SPRING1: variants seen among roughly 807,000 people sequenced by gnomAD.
SPRING1 encodes the protein SREBF pathway regulator in golgi 1.
SPRING1 carries 14 observed loss-of-function variants against 24.7 expected under a neutral mutation model. The ratio of observed to expected loss-of-function variants is 0.57; its 90% CI spans 0.37 to 0.88. SPRING1 has a LOEUF of 0.88. Ranked by LOEUF, SPRING1 falls within the 40% of genes least tolerant of loss-of-function variation. The probability of loss-of-function intolerance (pLI) is 0.00; values close to 1 mark genes in which losing one functional copy is unlikely to be tolerated. For missense variants in SPRING1, 255 were observed against 268.4 expected, an observed-to-expected ratio of 0.95 and a Z score of 0.35; for synonymous variants, 93 against 106.1, an observed-to-expected ratio of 0.88 and a Z score of 0.76.
At position 116,720,489 on chromosome 12, in the gene SPRING1, T is replaced by C. The variant is rs1052832990; in HGVS notation, c.269-42A>G. 5.0e-6 allele frequency: 8 copies of C among 1,606,426 alleles called. No individual in the cohort carries two copies. The highest frequency in any genetic ancestry group is 3.4e-5 in the Admixed American group (2 of 59,390). On this transcript the variant is annotated intron_variant, in intron 2 of 4. Coordinates refer to ENST00000261318, the MANE Select transcript of SPRING1 (RefSeq NM_024738.4). This position sits in a 1 kb window ranked among gnomAD's most constrained non-coding sequence, Gnocchi z 4.0. ...AACCTTAGCATAAAACCAGCAGCCT[T>C]GCCACCTCCCTACCAGGGATGACCA...
Position 116,728,200 on chromosome 12 carries a change from G to T in SPRING1, c.112-4977C>A, listed in dbSNP as rs1018413151. Among the ~76,000 whole-genome samples the T allele has an allele frequency of 2.0e-5, 3 of 152,096 alleles. No individual in the cohort carries two copies. Among genetic ancestry groups the T allele is most frequent in the African/African-American group, 4.8e-5 (2 of 41,408 alleles). On this transcript the variant is annotated intron_variant, in intron 1 of 4. Coordinates refer to ENST00000261318, the MANE Select transcript of SPRING1 (RefSeq NM_024738.4). The surrounding 1 kb of genome is among the most constrained non-coding windows in gnomAD (Gnocchi z 4.2). ...TCAAATGCCTCGCATAGTTAGGCCC[G>T]CCCTGCCACTAGATCATGTCATCCT... is the stretch of plus-strand genomic sequence containing the variant.
intron 1 of SPRING1, among the ~76,000 whole-genome samples, chr12:116,737,576 G>T (rs1232257134): frequency 6.8e-6 from 1 of 147,476 alleles, no homozygotes. Context: ...CAGGGAGAGG[G>T]GAAGGAAGGA....
rs1870086185 is a variant in SPRING1 at position 116,715,546 on chromosome 12, A to G, written c.*2264T>C. On this transcript the variant is annotated 3_prime_UTR_variant, in exon 5 of 5. Coordinates refer to ENST00000261318, the MANE Select transcript of SPRING1 (RefSeq NM_024738.4). Reference sequence around the variant, plus strand: ...TTGAAATACAAAAAACATATTCCACAGCCAAATGAAAATGACTTTTGGATC... The same window carrying G: ...TTGAAATACAAAAAACATATTCCACGGCCAAATGAAAATGACTTTTGGATC... 6.6e-6 allele frequency: 1 copy of G among 152,270 alleles called. No individual in the cohort carries two copies. Among genetic ancestry groups the G allele is most frequent in the African/African-American group, 2.4e-5 (1 of 41,468 alleles). The allele number at this position is 152,270 out of a possible 1,614,324, so 9.4% of individuals were successfully genotyped here. A position where few individuals can be genotyped will look rare whatever the true frequency, so the allele number is the denominator to read the frequency against.
In SPRING1 at chr12:116,736,017, G is replaced by T. The variant is rs1027672049; in HGVS notation, c.111+1773C>A. ...GGTCGTCCCACTGCACTCCAGCCTGGGCAAGAGCAAAACTCAGTCTTTAAA... is the reference window on the plus strand; with the variant it reads ...GGTCGTCCCACTGCACTCCAGCCTGTGCAAGAGCAAAACTCAGTCTTTAAA... On this transcript the variant is annotated intron_variant, in intron 1 of 4. Coordinates refer to ENST00000261318, the MANE Select transcript of SPRING1 (RefSeq NM_024738.4). 6.3e-5 allele frequency among the ~76,000 whole-genome samples: 2 copies of T among 31,804 alleles called. 1 individual carries two copies. The highest frequency in any genetic ancestry group is 6.0e-4 in the Admixed American group (2 of 3,352). The allele number at this position is 31,804 out of a possible 152,430, so 20.9% of individuals were successfully genotyped here. A position where few individuals can be genotyped will look rare whatever the true frequency, so the allele number is the denominator to read the frequency against.
At position 116,720,251 on chromosome 12, in the gene SPRING1, C is replaced by G. The variant is rs1413334222; in HGVS notation, c.420+45G>C. 1 of 1,555,514 alleles carries G rather than the reference C, an allele frequency of 6.4e-7. No homozygotes were observed. The highest frequency in any genetic ancestry group is 8.6e-7 in the Non-Finnish European group (1 of 1,156,522). ...CCTAATGCTCATCATAAAACAGAGG[C>G]CGAAAGAAAAAAGGAGCCGCAGAAC... On this transcript the variant is annotated intron_variant, in intron 3 of 4. Coordinates refer to ENST00000261318, the MANE Select transcript of SPRING1 (RefSeq NM_024738.4). This position sits in a 1 kb window ranked among gnomAD's most constrained non-coding sequence, Gnocchi z 4.0.
intron 1 of SPRING1, among the ~76,000 whole-genome samples, chr12:116,730,665 G>T (rs1347438863): frequency 1.3e-5 from 2 of 152,194 alleles, no homozygotes; most frequent in African/African-American, 4.8e-5. Flanking sequence ...AGATCCATGA[G>T]TCTGTGTTGC....
intron 4 of SPRING1, among the ~76,000 whole-genome samples, chr12:116,718,941 T>C (rs898454646): frequency 1.3e-5 from 2 of 152,168 alleles, no homozygotes; most frequent in Non-Finnish European, 2.9e-5. Flanking sequence ...ACCAGAGACA[T>C]GAGAAGGGGC....
rs2137022732 is a variant in SPRING1, at chr12:116,712,335, C to T, written c.*5475G>A. On this transcript the variant is annotated 3_prime_UTR_variant, in exon 5 of 5. Coordinates refer to ENST00000261318, the MANE Select transcript of SPRING1 (RefSeq NM_024738.4). ...CGCAGTCGGCCCATATGCACGTCAC[C>T]ACTCGGCTCCCAGCTCAGGTGCAGA... 6.6e-6 allele frequency: 1 copy of T among 152,342 alleles called. No homozygotes were observed. Among genetic ancestry groups the T allele is most frequent in the African/African-American group, 2.4e-5 (1 of 41,566 alleles). The allele number at this position is 152,342 out of a possible 1,614,324, so 9.4% of individuals were successfully genotyped here.
In SPRING1 at chr12:116,720,142, A is replaced by T; in HGVS notation, c.420+154T>A. On this transcript the variant is annotated intron_variant, in intron 3 of 4. Transcript: ENST00000261318. This position sits in a 1 kb window ranked among gnomAD's most constrained non-coding sequence, Gnocchi z 4.0. ...CAACTGGGAACCACCTCCTTTCCTT[A>T]GATAAAAGCTATTGTGCAGCAATTT... is the stretch of plus-strand genomic sequence containing the variant. 2.0e-6 allele frequency: 2 copies of T among 1,003,206 alleles called. No homozygotes were observed. Among genetic ancestry groups the T allele is most frequent in the Non-Finnish European group, 2.9e-6 (2 of 697,476 alleles). The allele number at this position is 1,003,206 out of a possible 1,614,324, so 62.1% of individuals were successfully genotyped here. A position where few individuals can be genotyped will look rare whatever the true frequency, so the allele number is the denominator to read the frequency against.
intron 4 of SPRING1, among the ~76,000 whole-genome samples, chr12:116,718,397 A>G (rs1044408617): frequency 1.3e-5 from 2 of 152,276 alleles, no homozygotes; most frequent in Non-Finnish European, 2.9e-5. Context: ...GGCTAAGCAA[A>G]TTGGAAGTGT....
In SPRING1 at chr12:116,728,810, AG is replaced by A. The variant is rs1870832045; in HGVS notation, c.112-5588del. 6.6e-6 allele frequency among the ~76,000 whole-genome samples: 1 copy of A among 152,316 alleles called. No individual in the cohort carries two copies. Among genetic ancestry groups the A allele is most frequent in the African/African-American group, 2.4e-5 (1 of 41,570 alleles). ...AGGGAGTGGAAGACCACCCAAACTG[AG>A]GCCAGCTGAGCAGGGACGGCCAAGT... On this transcript the variant is annotated intron_variant, in intron 1 of 4. Coordinates refer to ENST00000261318, the MANE Select transcript of SPRING1 (RefSeq NM_024738.4). This position sits in a 1 kb window ranked among gnomAD's most constrained non-coding sequence, Gnocchi z 4.2.
rs1014888776 is a variant in SPRING1, at chr12:116,719,975, AG to A, written c.421-100del. ...AACTAAGAGAATGCTGATACAGGGA[AG>A]GGGGGAAGAGGAGGAGAAAAGGAGG... On this transcript the variant is annotated intron_variant, in intron 3 of 4. Transcript: ENST00000261318. 3.8e-5 allele frequency: 39 copies of A among 1,034,640 alleles called. No homozygotes were observed. In the East Asian group the frequency reaches 4.9e-4, roughly 13 times the overall value. 64.1% of individuals were successfully genotyped at this position (1,034,640 alleles called of 1,614,324 possible). A position where few individuals can be genotyped will look rare whatever the true frequency, so the allele number is the denominator to read the frequency against.
rs1419826912 is a variant in SPRING1 at position 116,710,335 on chromosome 12, A to T, written c.*7475T>A. 6.6e-6 allele frequency: 1 copy of T among 152,210 alleles called. No homozygotes were observed. Among genetic ancestry groups the T allele is most frequent in the Middle Eastern group, 3.2e-3 (1 of 316 alleles). The allele number at this position is 152,210 out of a possible 1,614,324, so 9.4% of individuals were successfully genotyped here. A position where few individuals can be genotyped will look rare whatever the true frequency, so the allele number is the denominator to read the frequency against. ...TTTGGCACAATTTAATTTCTTTGTA[A>T]GTTCATACATTTTAAGGTTTCTGCC... is the stretch of plus-strand genomic sequence containing the variant. On this transcript the variant is annotated 3_prime_UTR_variant, in exon 5 of 5. Transcript: ENST00000261318.
chr12:116,726,683 C>G (rs1216078027), intron 1 of SPRING1, among the ~76,000 whole-genome samples: 5 of 151,888 alleles, frequency 3.3e-5, no homozygotes, highest in African/African-American at 7.3e-5. Context: ...CTGCATCCAT[C>G]AAGCTATGTG....
chr12:116,737,003 C>T (rs1329823966), intron 1 of SPRING1, among the ~76,000 whole-genome samples: 2 of 152,320 alleles, frequency 1.3e-5, no homozygotes, highest in East Asian at 3.9e-4. Context: ...ACTGGGAACC[C>T]CACTTCTCCC....
In SPRING1 at chr12:116,711,028, C is replaced by CACACACACACACGCAT. The variant is rs1555254868; in HGVS notation, c.*6781_*6782insATGCGTGTGTGTGTGT. The stretch of plus-strand genomic sequence containing the variant: ...TGTTACACACACACACACACACACA[C>CACACACACACACGCAT]GCACACACAGAGCCAATGTATGGAA... On this transcript the variant is annotated 3_prime_UTR_variant, in exon 5 of 5. Coordinates refer to ENST00000261318, the MANE Select transcript of SPRING1 (RefSeq NM_024738.4). 6 of 151,884 alleles carry CACACACACACACGCAT rather than the reference C, an allele frequency of 4.0e-5. No individual in the cohort carries two copies. Among genetic ancestry groups the CACACACACACACGCAT allele is most frequent in the African/African-American group, 1.5e-4 (6 of 41,336 alleles). 9.4% of individuals were successfully genotyped at this position (151,884 alleles called of 1,614,324 possible).
At position 116,720,250 on chromosome 12, in the gene SPRING1, G is replaced by A. The variant is rs750491583; in HGVS notation, c.420+46C>T. The A allele has an allele frequency of 4.5e-6, 7 of 1,555,280 alleles. No homozygotes were observed. The highest frequency in any genetic ancestry group is 6.1e-6 in the Non-Finnish European group (7 of 1,156,194). On this transcript the variant is annotated intron_variant, in intron 3 of 4. Transcript: ENST00000261318. This position sits in a 1 kb window ranked among gnomAD's most constrained non-coding sequence, Gnocchi z 4.0. ...GCCTAATGCTCATCATAAAACAGAG[G>A]CCGAAAGAAAAAAGGAGCCGCAGAA...
In SPRING1 at chr12:116,737,891, G is replaced by A. The variant is rs1295322801; in HGVS notation, c.10C>T (p.Leu4=). The A allele has an allele frequency of 6.4e-7, 1 of 1,561,578 alleles. No individual in the cohort carries two copies. The highest frequency in any genetic ancestry group is 1.8e-5 in the Admixed American group (1 of 54,176). ...AGCCGGCGCCACACCATGGCCGCCAGGTTCACCATCCCGGCGCGGACGTGG... is the reference window on the plus strand; with the variant it reads ...AGCCGGCGCCACACCATGGCCGCCAAGTTCACCATCCCGGCGCGGACGTGG... MVN[L]AAMVWRRLLR... Residue 4 remains leucine (L), a synonymous_variant, in exon 1 of 5, where the codon CTG becomes TTG. Coordinates refer to ENST00000261318, the MANE Select transcript of SPRING1 (RefSeq NM_024738.4).
At chr12:116,733,188 T>TA (rs1304813864) in intron 1 of SPRING1, among the ~76,000 whole-genome samples, 1 of 151,986 alleles carries the variant, frequency 6.6e-6, no homozygotes, top group Non-Finnish European at 1.5e-5. Context: ...GTGCTCGTCT[T>TA]AGTTTTTTTC....
Sources: allele counts gnomAD v4.1 joint callset (sites outside exome capture counted in the v4.1 genomes callset), GRCh38; gene constraint gnomAD v4.1.1; non-coding constraint Gnocchi (gnomAD v3.1); transcripts MANE v1.5; gene names NCBI Gene and HGNC (gene_info 2026-07-23, HGNC 2026-07-21).